Variants in HNF4G observed in about 807,000 individuals in gnomAD.
The protein encoded by HNF4G is hepatocyte nuclear factor 4-gamma.
A neutral mutation model predicts 50.9 loss-of-function variants in HNF4G; 21 were observed. The ratio of observed to expected loss-of-function variants is 0.41; its 90% confidence interval spans 0.29 to 0.59. HNF4G has a LOEUF of 0.59. Ranked by LOEUF, HNF4G falls within the 20% of genes least tolerant of loss-of-function variation. HNF4G has a pLI of 0.26. For synonymous variants in HNF4G, 198 were observed against 185.6 expected (o/e 1.07, Z -0.54); for missense variants, 527 against 559.4 (o/e 0.94, Z 0.58).
chr8:75,479,362 G>A (rs1563522562), intron 1 of HNF4G, among the ~76,000 whole-genome samples: 1 of 152,128 alleles, frequency 6.6e-6, no homozygotes, highest in South Asian at 2.1e-4. Context: ...TCAAATACAG[G>A]TTGTATGGAA....
intron 1 of HNF4G, among the ~76,000 whole-genome samples, chr8:75,467,856 G>T (rs1812021914): frequency 1.3e-5 from 2 of 151,946 alleles, no homozygotes; most frequent in South Asian, 4.1e-4. Flanking sequence ...TCCTAATCTG[G>T]ACCATGGAAA....
chr8:75,470,400 T>C (rs1434557106), intron 1 of HNF4G, among the ~76,000 whole-genome samples: 2 of 152,318 alleles, frequency 1.3e-5, no homozygotes, highest in East Asian at 1.9e-4. Context: ...CATTTAACAA[T>C]ATAGCATAGC....
chr8:75,503,476 C>T (rs895001083), intron 2 of HNF4G, among the ~76,000 whole-genome samples: 1 of 152,110 alleles, frequency 6.6e-6, no homozygotes, highest in African/African-American at 2.4e-5. Flanking sequence ...GAGATGTTGT[C>T]AAGATATTCT....
Position 75,564,285 on chromosome 8 carries a change from G to C in HNF4G, c.*189G>C, listed in dbSNP as rs753743279. 60 of 556,438 alleles carry C rather than the reference G, an allele frequency of 1.1e-4. No homozygotes were observed. The highest frequency in any genetic ancestry group is 1.8e-4 in the Non-Finnish European group (57 of 320,962). The allele number at this position is 556,438 out of a possible 1,614,324, so 34.5% of individuals were successfully genotyped here. A position where few individuals can be genotyped will look rare whatever the true frequency, so the allele number is the denominator to read the frequency against. On this transcript the variant is annotated 3_prime_UTR_variant, in exon 10 of 10. Coordinates refer to ENST00000396423, the MANE Select transcript of HNF4G (RefSeq NM_004133.5). ...TTGCTACTATGTAAAACTTTCACAT[G>C]CAACCAATGTATATCTGAGTTTGAA... is the stretch of plus-strand genomic sequence containing the variant.
At chr8:75,410,538 C>T (rs1370733102) in intron 1 of HNF4G, among the ~76,000 whole-genome samples, 2 of 152,122 alleles carry the variant, frequency 1.3e-5, no homozygotes, top group African/African-American at 4.8e-5. Flanking sequence ...ACTAACTATC[C>T]ATTTACTGAA....
At chr8:75,562,491 C>A (rs763199510) in intron 9 of HNF4G, among the ~76,000 whole-genome samples, 54 of 152,152 alleles carry the variant, frequency 3.5e-4, no homozygotes, top group Middle Eastern at 3.4e-3. Flanking sequence ...AGGGGCAAGC[C>A]TAATACCAAA....
chr8:75,531,029 G>A (rs941041623), intron 2 of HNF4G, among the ~76,000 whole-genome samples: 1 of 151,956 alleles, frequency 6.6e-6, no homozygotes, highest in Admixed American at 6.6e-5. Flanking sequence ...CCTGACCTCA[G>A]GTGATCCATC....
chr8:75,548,537 G>A (rs1806857155), intron 3 of HNF4G, among the ~76,000 whole-genome samples: 4 of 152,046 alleles, frequency 2.6e-5, no homozygotes, highest in Admixed American at 6.6e-5. Context: ...TGCTATTTTA[G>A]TGTGTACTAA....
At chr8:75,535,751 A>G (rs1407733571), upstream of HNF4G, among the ~76,000 whole-genome samples, 1 of 151,888 alleles carries the variant, frequency 6.6e-6, no homozygotes, top group Non-Finnish European at 1.5e-5. Flanking sequence ...CCCTTATTTT[A>G]TTAGCTTGCT....
intron 1 of HNF4G, among the ~76,000 whole-genome samples, chr8:75,434,739 C>T (rs915156232): frequency 6.6e-6 from 1 of 151,222 alleles, no homozygotes; most frequent in African/African-American, 2.4e-5. Flanking sequence ...TGGGGTATAA[C>T]TATGATGCAG....
At chr8:75,412,252 G>A (rs1810519144) in intron 1 of HNF4G, among the ~76,000 whole-genome samples, 1 of 152,260 alleles carries the variant, frequency 6.6e-6, no homozygotes, top group East Asian at 1.9e-4. Context: ...TTCCATGGCT[G>A]GAACATTGGC....
At chr8:75,545,182 A>C (rs1806736834) in intron 2 of HNF4G, among the ~76,000 whole-genome samples, 1 of 152,068 alleles carries the variant, frequency 6.6e-6, no homozygotes, top group African/African-American at 2.4e-5. Context: ...AACTAAAACA[A>C]ATACAGAATA....
intron 1 of HNF4G, among the ~76,000 whole-genome samples, chr8:75,541,929 T>C (rs1331321568): frequency 6.6e-6 from 1 of 152,062 alleles, no homozygotes; most frequent in Non-Finnish European, 1.5e-5. Context: ...ATTCTGTGTG[T>C]AAAGATGGGT....
intron 6 of HNF4G, among the ~76,000 whole-genome samples, chr8:75,556,794 T>A (rs1262695001): frequency 6.6e-6 from 1 of 152,172 alleles, no homozygotes; most frequent in Non-Finnish European, 1.5e-5. Flanking sequence ...TAGCCCCAAA[T>A]ATAAATAAAT....
intron 2 of HNF4G, among the ~76,000 whole-genome samples, chr8:75,523,571 T>C (rs1041493133): frequency 6.6e-6 from 1 of 152,174 alleles, no homozygotes; most frequent in Non-Finnish European, 1.5e-5. Flanking sequence ...GAGGTATCTA[T>C]GTGAGTCATT....
chr8:75,461,277 T>C (rs1258807785), intron 1 of HNF4G, among the ~76,000 whole-genome samples: 1 of 152,094 alleles, frequency 6.6e-6, no homozygotes, highest in African/African-American at 2.4e-5. Context: ...TCTTTTTCCT[T>C]CCCTTTTTTA....
In HNF4G at chr8:75,474,699, T is replaced by C. The variant is rs556555569; in HGVS notation, c.-143-15390T>C. Among the ~76,000 whole-genome samples the C allele has an allele frequency of 2.6e-5, 4 of 152,218 alleles. No individual in the cohort carries two copies. The East Asian group carries it at 7.7e-4, about 29-fold the overall frequency. ...TTTTGGAGATGGAATTATTATTTTTTAATACAAATAATAAATATTATTTTT... is the reference window on the plus strand; with the variant it reads ...TTTTGGAGATGGAATTATTATTTTTCAATACAAATAATAAATATTATTTTT... On this transcript the variant is annotated intron_variant, in intron 1 of 10. Coordinates refer to the HNF4G transcript ENST00000354370.
chr8:75,560,518 A>G, intron 9 of HNF4G, 52 bp downstream of exon 9: 1 of 1,558,788 alleles, frequency 6.4e-7, no homozygotes, highest in Non-Finnish European at 8.7e-7. Flanking sequence ...TACCCAAGAA[A>G]AAGTGGAATT....
At chr8:75,538,350 A>G (rs1806524914), upstream of HNF4G, among the ~76,000 whole-genome samples, 1 of 152,222 alleles carries the variant, frequency 6.6e-6, no homozygotes, top group Admixed American at 6.5e-5. Flanking sequence ...AAACTATGAC[A>G]GCATTGTTCT....
Sources: allele counts gnomAD v4.1 joint callset (sites outside exome capture counted in the v4.1 genomes callset), GRCh38; gene constraint gnomAD v4.1.1; transcripts MANE v1.5; gene names NCBI Gene and HGNC (gene_info 2026-07-23, HGNC 2026-07-21).